The following VPS13B variants were observed in gnomAD, a reference collection of about 807,000 sequenced individuals.
VPS13B encodes intermembrane lipid transfer protein VPS13B.
In VPS13B, 285 loss-of-function variants were observed where a neutral mutation model predicts 426.4. That is an observed-to-expected ratio of 0.67 (90% confidence interval 0.61 to 0.74). VPS13B has a LOEUF of 0.74. VPS13B is among the 30% of genes least tolerant of loss of function. VPS13B has a pLI of 0.00. For missense variants in VPS13B, 4,537 were observed against 4,782.6 expected (o/e 0.95, Z 1.51); for synonymous variants, 1,676 against 1,676.4 (o/e 1.00, Z 0.01).
intron 17 of VPS13B, among the ~76,000 whole-genome samples, chr8:99,230,723 G>C (rs1816274455): frequency 6.6e-6 from 1 of 152,200 alleles, no homozygotes; most frequent in Admixed American, 6.5e-5. Context: ...AAATAATATA[G>C]AATGTCTGGT....
In VPS13B at chr8:99,442,452, C is replaced by G. The variant is rs373965494; in HGVS notation, c.3262C>G (p.Pro1088Ala). 2.6e-5 allele frequency: 42 copies of G among 1,613,744 alleles called. No individual in the cohort carries two copies. The highest frequency in any genetic ancestry group is 1.6e-4 in the Middle Eastern group (1 of 6,082). ...VFIPNDSLPS[P>A]STIVSGDIPG... ...TATTCCAAATGATAGCCTGCCTTCC[C>G]CAAGTACAATTGTATCTGGTGACAT... Residue 1088 changes from proline (P) to alanine (A), a missense_variant, in exon 23 of 62, where the codon CCA becomes GCA. Pro to Ala is a conservative substitution (Grantham distance 27). Around this residue, in one of 2 missense-constraint regions of VPS13B, gnomAD observed 4,311 missense variants for 4,474.3 expected, o/e 0.96. Coordinates refer to ENST00000357162, the MANE Select transcript of VPS13B (RefSeq NM_152564.5).
chr8:99,757,620 C>A (rs988280407), intron 39 of VPS13B, among the ~76,000 whole-genome samples: 11 of 152,128 alleles, frequency 7.2e-5, no homozygotes, highest in African/African-American at 2.7e-4. Context: ...AATTAAGTGC[C>A]AAAATATTCT....
rs1192252805 is a variant in VPS13B, at chr8:99,292,785, ATATGT to A, written c.2824+17535_2824+17539del. Among the ~76,000 whole-genome samples, 5 of 152,266 alleles carry A rather than the reference ATATGT, an allele frequency of 3.3e-5. No individual in the cohort carries two copies. In the South Asian group the frequency reaches 8.3e-4, roughly 25 times the overall value. On this transcript the variant is annotated intron_variant, in intron 19 of 61. Transcript: ENST00000357162. ...ATATTGCAGTTCTTGGGTAAATTTT[ATATGT>A]TATATCTATTTTTGTGCAACTGTTT...
chr8:99,308,855 T>G (rs1248485716), intron 19 of VPS13B, among the ~76,000 whole-genome samples: 1 of 151,846 alleles, frequency 6.6e-6, no homozygotes, highest in Non-Finnish European at 1.5e-5. Flanking sequence ...GTTTCCTGAC[T>G]TTTTAATGAT....
chr8:99,606,621 T>G (rs1827595248), intron 33 of VPS13B, among the ~76,000 whole-genome samples: 1 of 148,310 alleles, frequency 6.7e-6, no homozygotes, highest in African/African-American at 2.5e-5. Context: ...TCTTTTTCTT[T>G]TTCTTTTCTT....
chr8:99,561,777 ATG>A (rs1824935151), intron 31 of VPS13B, among the ~76,000 whole-genome samples: 3 of 152,240 alleles, frequency 2.0e-5, no homozygotes, highest in Admixed American at 2.0e-4. Flanking sequence ...GAACCCCATT[ATG>A]AGTTGAGGAT....
intron 33 of VPS13B, among the ~76,000 whole-genome samples, chr8:99,616,783 C>T (rs1042550510): frequency 6.6e-6 from 1 of 152,182 alleles, no homozygotes; most frequent in Non-Finnish European, 1.5e-5. Context: ...CGAGATTGCA[C>T]CAGAAATCCT....
intron 15 of VPS13B, among the ~76,000 whole-genome samples, chr8:99,167,121 A>T (rs562985501): frequency 5.3e-5 from 8 of 152,314 alleles, no homozygotes; most frequent in African/African-American, 1.9e-4. Context: ...TTTTTCCTGC[A>T]TGTGAAATGA....
intron 17 of VPS13B, chr8:99,240,976 T>C (rs1231965988): frequency 6.6e-6 from 1 of 152,450 alleles, no homozygotes; most frequent in Non-Finnish European, 1.5e-5. Context: ...TGCAGGGGCC[T>C]GACAAATAGC....
chr8:99,530,256 T>G (rs1822860935), intron 30 of VPS13B, among the ~76,000 whole-genome samples: 1 of 152,206 alleles, frequency 6.6e-6, no homozygotes, highest in Non-Finnish European at 1.5e-5. Flanking sequence ...AATGTCTCCT[T>G]CCTTTGGCCT....
chr8:99,341,827 G>A (rs1248440212), intron 19 of VPS13B: 1 of 238,568 alleles, frequency 4.2e-6, no homozygotes, highest in Non-Finnish European at 8.8e-6. Flanking sequence ...GAGGAAAGAA[G>A]ATTTAACGCA....
At chr8:99,106,277 CA>C (rs1486228782) in intron 5 of VPS13B, among the ~76,000 whole-genome samples, 4 of 150,474 alleles carry the variant, frequency 2.7e-5, no homozygotes, top group African/African-American at 4.9e-5. Flanking sequence ...ACTAAAAATA[CA>C]AAAAAAATTA....
intron 33 of VPS13B, among the ~76,000 whole-genome samples, chr8:99,635,312 G>C (rs1829026287): frequency 6.6e-6 from 1 of 151,938 alleles, no homozygotes; most frequent in African/African-American, 2.4e-5. Context: ...CTTTGATTCT[G>C]TGGTTTTACA....
In VPS13B at chr8:99,832,780, T is replaced by C. The variant is rs958845853; in HGVS notation, c.9614+128T>C. On this transcript the variant is annotated intron_variant, in intron 52 of 61. Transcript: ENST00000357162. ...AATATTAGGCTTTATTTTTAATTACTTCTAGACATTGTATACAGTGGGTCA... is the reference window on the plus strand; with the variant it reads ...AATATTAGGCTTTATTTTTAATTACCTCTAGACATTGTATACAGTGGGTCA... 1.1e-5 allele frequency: 10 copies of C among 924,894 alleles called. No individual in the cohort carries two copies. The African/African-American group carries it at 1.5e-4, about 14-fold the overall frequency. The allele number at this position is 924,894 out of a possible 1,614,324, so 57.3% of individuals were successfully genotyped here.
Position 99,721,065 on chromosome 8 carries a change from A to T in VPS13B, c.7050+18A>T. ...TGCTACAGGTATGTAATGACCATTC[A>T]TTGTAAAATGAAAACATTGTGGGAA... On this transcript the variant is annotated intron_variant, in intron 39 of 61. Coordinates refer to ENST00000357162, the MANE Select transcript of VPS13B (RefSeq NM_152564.5). 6.2e-7 allele frequency: 1 copy of T among 1,613,364 alleles called. No homozygotes were observed. The highest frequency in any genetic ancestry group is 8.5e-7 in the Non-Finnish European group (1 of 1,179,442).
chr8:99,294,495 C>T (rs1167814567), intron 19 of VPS13B, among the ~76,000 whole-genome samples: 1 of 149,524 alleles, frequency 6.7e-6, no homozygotes, highest in Non-Finnish European at 1.5e-5. Context: ...ACATATGTAA[C>T]TAACCTGCAC....
At position 99,270,610 on chromosome 8, in the gene VPS13B, ATCCATAT is replaced by A. The variant is rs1267683726; in HGVS notation, c.2516-3585_2516-3579del. ...AATTCTAAAGAAACTCATTTGGTCTATCCATATTCTTTTGCTCTTGTATATACCGGAA... is the reference window on the plus strand; with the variant it reads ...AATTCTAAAGAAACTCATTTGGTCTATCTTTTGCTCTTGTATATACCGGAA... On this transcript the variant is annotated intron_variant, in intron 17 of 61. Coordinates refer to ENST00000357162, the MANE Select transcript of VPS13B (RefSeq NM_152564.5). Among the ~76,000 whole-genome samples the A allele has an allele frequency of 4.6e-5, 7 of 152,336 alleles. No homozygotes were observed. In the South Asian group the frequency reaches 1.2e-3, roughly 27 times the overall value.
At chr8:99,035,981 A>G (rs1243358751) in intron 2 of VPS13B, among the ~76,000 whole-genome samples, 6 of 152,050 alleles carry the variant, frequency 3.9e-5, no homozygotes. Flanking sequence ...TCCTTTGTCC[A>G]TTTTAAAATA....
intron 3 of VPS13B, among the ~76,000 whole-genome samples, chr8:99,059,436 A>G (rs1844058926): frequency 6.6e-6 from 1 of 152,128 alleles, no homozygotes; most frequent in African/African-American, 2.4e-5. Flanking sequence ...TTGGCCTCCC[A>G]AACTGCTGGG....
Sources: allele counts gnomAD v4.1 joint callset (sites outside exome capture counted in the v4.1 genomes callset), GRCh38; gene constraint gnomAD v4.1.1; regional missense constraint gnomAD v4.1.1; transcripts MANE v1.5; gene names NCBI Gene and HGNC (gene_info 2026-07-23, HGNC 2026-07-21).